The following CCSER1 variants were observed in gnomAD, a reference collection of about 807,000 sequenced individuals.
The protein encoded by CCSER1 is serine-rich coiled-coil domain-containing protein 1.
In CCSER1, 41 loss-of-function variants were observed where a neutral mutation model predicts 82.0. The ratio of observed to expected loss-of-function variants is 0.50; its 90% CI spans 0.39 to 0.65. CCSER1 has a LOEUF of 0.65. CCSER1 is among the 30% of genes least tolerant of loss of function. The pLI is 0.00. For missense variants in CCSER1, 1,119 were observed against 1,064.2 expected (o/e 1.05, Z -0.72); for synonymous variants, 414 against 383.9 (o/e 1.08, Z -0.92).
chr4:91,359,398 G>A (rs1391076869), intron 10 of CCSER1, among the ~76,000 whole-genome samples: 1 of 151,732 alleles, frequency 6.6e-6, no homozygotes. Context: ...TGAGTATAAA[G>A]CAACGTAAAA....
intron 4 of CCSER1, among the ~76,000 whole-genome samples, chr4:90,440,122 A>G (rs1469203150): frequency 6.6e-6 from 1 of 151,830 alleles, no homozygotes; most frequent in Non-Finnish European, 1.5e-5. Flanking sequence ...TCCCACCTCA[A>G]CCTCCTGAGT....
At chr4:90,660,120 G>T (rs1730484532) in intron 6 of CCSER1, among the ~76,000 whole-genome samples, 2 of 152,014 alleles carry the variant, frequency 1.3e-5, no homozygotes, top group African/African-American at 4.8e-5. Context: ...GAAACAGTAT[G>T]GCAATTTCTC....
At chr4:91,491,000 A>G (rs1758511921) in intron 10 of CCSER1, among the ~76,000 whole-genome samples, 1 of 144,158 alleles carries the variant, frequency 6.9e-6, no homozygotes, top group South Asian at 2.2e-4. Context: ...AATAGTGATT[A>G]TCATTTATAG....
chr4:90,141,017 A>G (rs201701982), intron 1 of CCSER1, among the ~76,000 whole-genome samples: 1 of 66,562 alleles, frequency 1.5e-5, no homozygotes, highest in African/African-American at 7.0e-5. Context: ...GAAACCCAGC[A>G]AGATATCTAT....
At chr4:90,471,644 C>A (rs376091333) in intron 5 of CCSER1, among the ~76,000 whole-genome samples, 21 of 151,536 alleles carry the variant, frequency 1.4e-4, no homozygotes, top group African/African-American at 5.1e-4. Context: ...CTTATGATAT[C>A]AGTTTTGTGT....
At chr4:90,460,612 A>G (rs1762774416) in intron 4 of CCSER1, among the ~76,000 whole-genome samples, 1 of 152,054 alleles carries the variant, frequency 6.6e-6, no homozygotes. Context: ...CAGGATATTG[A>G]CAGTTTTACG....
At chr4:91,364,037 C>T (rs1185724229) in intron 10 of CCSER1, among the ~76,000 whole-genome samples, 3 of 151,952 alleles carry the variant, frequency 2.0e-5, no homozygotes, top group African/African-American at 4.8e-5. Context: ...CCAGGATACA[C>T]ATGACCTTTT....
intron 6 of CCSER1, among the ~76,000 whole-genome samples, chr4:90,690,801 G>A (rs1244860861): frequency 6.6e-6 from 1 of 151,834 alleles, no homozygotes; most frequent in Non-Finnish European, 1.5e-5. Context: ...TGACCATTTG[G>A]GATTGAATTC....
chr4:91,373,147 T>G (rs1044634609), intron 10 of CCSER1, among the ~76,000 whole-genome samples: 4 of 152,182 alleles, frequency 2.6e-5, no homozygotes, highest in African/African-American at 9.7e-5. Flanking sequence ...ACATACTTTT[T>G]TTTTTTTGCA....
intron 9 of CCSER1, among the ~76,000 whole-genome samples, chr4:90,966,037 G>A (rs1734528742): frequency 6.6e-6 from 1 of 151,928 alleles, no homozygotes; most frequent in South Asian, 2.1e-4. Context: ...TTAAATTTAA[G>A]ATAGATTCAT....
At chr4:91,172,400 C>T (rs1413696717) in intron 10 of CCSER1, among the ~76,000 whole-genome samples, 2 of 152,136 alleles carry the variant, frequency 1.3e-5, no homozygotes, top group African/African-American at 4.8e-5. Flanking sequence ...GAAAAGGCAA[C>T]AACATGAGTG....
intron 9 of CCSER1, among the ~76,000 whole-genome samples, chr4:91,018,523 C>T (rs1739639565): frequency 6.6e-6 from 1 of 152,050 alleles, no homozygotes; most frequent in Admixed American, 6.6e-5. Flanking sequence ...CCATATTATT[C>T]CCTAGTTTAT....
At chr4:91,313,233 A>C (rs1745612520) in intron 10 of CCSER1, among the ~76,000 whole-genome samples, 1 of 151,944 alleles carries the variant, frequency 6.6e-6, no homozygotes, top group Admixed American at 6.6e-5. Flanking sequence ...TTATATAATT[A>C]GTTATAACAT....
intron 10 of CCSER1, among the ~76,000 whole-genome samples, chr4:91,237,212 G>T (rs1449679321): frequency 1.3e-5 from 2 of 151,230 alleles, no homozygotes; most frequent in African/African-American, 4.9e-5. Flanking sequence ...GTCAATTCTT[G>T]TGCATGAACT....
intron 10 of CCSER1, among the ~76,000 whole-genome samples, chr4:91,309,352 A>G (rs913169014): frequency 3.4e-4 from 51 of 151,306 alleles, no homozygotes; most frequent in African/African-American, 1.2e-3. Context: ...GTAAAAATGT[A>G]TGTGTGTGTG....
In CCSER1 at chr4:90,522,367, C is replaced by T. The variant is rs1578944718; in HGVS notation, c.1724+54013C>T. On this transcript the variant is annotated intron_variant, in intron 5 of 10. Transcript: ENST00000509176. ...GCTGTTATGTGTCACAGCTTTAGGT[C>T]ACATATTTATCATTTTCCTCCCACA... is the stretch of plus-strand genomic sequence containing the variant. Among the ~76,000 whole-genome samples the T allele has an allele frequency of 2.0e-5, 3 of 152,120 alleles. No homozygotes were observed. The East Asian group carries it at 5.8e-4, about 29-fold the overall frequency.
intron 7 of CCSER1, chr4:90,780,886 T>C (rs1014337745): frequency 1.8e-5 from 13 of 740,374 alleles, no homozygotes; most frequent in Non-Finnish European, 2.0e-5. Context: ...CTAGGTGATT[T>C]ATAAGAAAAG....
intron 1 of CCSER1, among the ~76,000 whole-genome samples, chr4:90,255,645 AACT>A (rs141155348): frequency 0.045 from 6,811 of 152,212 alleles, 391 homozygotes; most frequent in African/African-American, 0.13. Context: ...GTTTTACAAA[AACT>A]ACTGATTACA....
At chr4:91,477,428 A>G (rs1320551894) in intron 10 of CCSER1, among the ~76,000 whole-genome samples, 1 of 151,718 alleles carries the variant, frequency 6.6e-6, no homozygotes, top group African/African-American at 2.4e-5. Context: ...AATTTCAGCT[A>G]TGAAATGCAG....
Sources: allele counts gnomAD v4.1 joint callset (sites outside exome capture counted in the v4.1 genomes callset), GRCh38; gene constraint gnomAD v4.1.1; transcripts MANE v1.5; gene names NCBI Gene and HGNC (gene_info 2026-07-23, HGNC 2026-07-21).